The following BCL9L variants were observed in gnomAD, a reference collection of about 807,000 sequenced individuals.
BCL9L encodes BCL9 like, also known as B-cell CLL/lymphoma 9-like protein.
A neutral mutation model predicts 99.4 loss-of-function variants in BCL9L; 19 were observed. That is an observed-to-expected ratio of 0.19 (90% CI 0.13 to 0.28). The LOEUF is 0.28. Among genes scored for constraint, BCL9L ranks in the 10% least tolerant of loss-of-function variants. The pLI is 1.00. For missense variants in BCL9L, 2,023 were observed against 2,101.6 expected (o/e 0.96, Z 0.73); for synonymous variants, 900 against 854.8 (o/e 1.05, Z -0.92).
In BCL9L at chr11:118,897,891, G is replaced by C; in HGVS notation, c.*524C>G. 2.2e-6 allele frequency: 1 copy of C among 456,574 alleles called. No homozygotes were observed. The highest frequency in any genetic ancestry group is 4.4e-6 in the Non-Finnish European group (1 of 227,644). 28.3% of individuals were successfully genotyped at this position (456,574 alleles called of 1,614,324 possible). A position where few individuals can be genotyped will look rare whatever the true frequency, so the allele number is the denominator to read the frequency against. On this transcript the variant is annotated 3_prime_UTR_variant, in exon 10 of 10. Transcript: ENST00000683865. ...GCCAGCCGCCTGCAGGGAGGGGTGG[G>C]AGAGGGGTCAGCCACATCAGCAGGG...
chr11:118,918,047 G>A (rs1052570532), intron 2 of BCL9L, among the ~76,000 whole-genome samples: 1 of 152,194 alleles, frequency 6.6e-6, no homozygotes, highest in Non-Finnish European at 1.5e-5. Flanking sequence ...CACTTCCTTG[G>A]TGTCCCTTGG....
At chr11:118,904,268 C>T (rs1473013297) in intron 5 of BCL9L, among the ~76,000 whole-genome samples, 1 of 151,924 alleles carries the variant, frequency 6.6e-6, no homozygotes, top group African/African-American at 2.4e-5. Context: ...TGGTGAAACC[C>T]CGTCTCTACT....
rs1448909139 is a variant in BCL9L at position 118,922,496 on chromosome 11, C to T, written c.-131+2742G>A. On this transcript the variant is annotated intron_variant, in intron 1 of 9. Coordinates refer to ENST00000683865, the MANE Select transcript of BCL9L (RefSeq NM_001378213.1). The surrounding 1 kb of genome is among the most constrained non-coding windows in gnomAD (Gnocchi z 6.2). The stretch of plus-strand genomic sequence containing the variant: ...GGTGTGTTTGTGGGTGGGCAGCTGT[C>T]GGGGCTGGCAGGCAGGGGCACACAT... 5.9e-5 allele frequency among the ~76,000 whole-genome samples: 9 copies of T among 152,182 alleles called. No individual in the cohort carries two copies. The highest frequency in any genetic ancestry group is 1.3e-4 in the Non-Finnish European group (9 of 68,008).
Position 118,911,293 on chromosome 11 carries a change from G to A in BCL9L, c.-76-1278C>T, listed in dbSNP as rs780068066. On this transcript the variant is annotated intron_variant, in intron 2 of 9. Transcript: ENST00000683865. ...CCGGTGACAGGCCCGGCCAGACACC[G>A]GTGCACACTCCTGATGCTCCCTGCG... is the stretch of plus-strand genomic sequence containing the variant. 65 of 455,282 alleles carry A rather than the reference G, an allele frequency of 1.4e-4. No individual in the cohort carries two copies. In the Middle Eastern group the frequency reaches 2.5e-3, roughly 18 times the overall value. The allele number at this position is 455,282 out of a possible 1,614,324, so 28.2% of individuals were successfully genotyped here.
At chr11:118,907,936 G>A (rs1028459624) in intron 4 of BCL9L, among the ~76,000 whole-genome samples, 1 of 152,160 alleles carries the variant, frequency 6.6e-6, no homozygotes, top group Admixed American at 6.5e-5. Context: ...CCACCAGCCG[G>A]GATACGGAGG....
chr11:118,898,313 A>ACCCCCCCCCCCCCCCCCC lies in BCL9L; in HGVS notation c.*101_*102insGGGGGGGGGGGGGGGGGG. Reference sequence around the variant, plus strand: ...ACACAAGCCCCCTCCCACCCCCTCCACCCCACCCCGCGACCCAGGCCATCC... The same window carrying ACCCCCCCCCCCCCCCCCC: ...ACACAAGCCCCCTCCCACCCCCTCCACCCCCCCCCCCCCCCCCCCCCCACCCCGCGACCCAGGCCATCC... On this transcript the variant is annotated 3_prime_UTR_variant, in exon 10 of 10. Transcript: ENST00000683865. 1.8e-5 allele frequency: 5 copies of ACCCCCCCCCCCCCCCCCC among 273,720 alleles called. No individual in the cohort carries two copies. The highest frequency in any genetic ancestry group is 1.1e-4 in the East Asian group (1 of 8,788). 17.0% of individuals were successfully genotyped at this position (273,720 alleles called of 1,614,324 possible). A position where few individuals can be genotyped will look rare whatever the true frequency, so the allele number is the denominator to read the frequency against.
Position 118,897,413 on chromosome 11 carries a change from C to T in BCL9L, c.*1002G>A, listed in dbSNP as rs940345796. The T allele has an allele frequency of 8.1e-5, 16 of 198,402 alleles. No homozygotes were observed. The highest frequency in any genetic ancestry group is 2.2e-4 in the African/African-American group (9 of 41,806). 12.3% of individuals were successfully genotyped at this position (198,402 alleles called of 1,614,324 possible). ...CTAAGATGTAGCAGCAGCGGATGCC[C>T]GGGCATCCAAAGTGGAAAGCCAGGG... On this transcript the variant is annotated 3_prime_UTR_variant, in exon 10 of 10. Coordinates refer to ENST00000683865, the MANE Select transcript of BCL9L (RefSeq NM_001378213.1).
In BCL9L at chr11:118,922,240, T is replaced by C. The variant is rs879465328; in HGVS notation, c.-131+2998A>G. 1.3e-5 allele frequency among the ~76,000 whole-genome samples: 2 copies of C among 152,094 alleles called. No homozygotes were observed. The highest frequency in any genetic ancestry group is 2.9e-5 in the Non-Finnish European group (2 of 67,990). ...GGCAGAGGAAATTCCAGGCTGTAAG[T>C]CCAGGCAGCCTTCAGGGCCGCCGAG... On this transcript the variant is annotated intron_variant, in intron 1 of 9. Transcript: ENST00000683865. This position sits in a 1 kb window ranked among gnomAD's most constrained non-coding sequence, Gnocchi z 6.2.
rs757809212 is a variant in BCL9L, at chr11:118,902,813, TGGC to T, written c.927_929del (p.Pro312del). 3 of 1,543,922 alleles carry T rather than the reference TGGC, an allele frequency of 1.9e-6. No homozygotes were observed. The highest frequency in any genetic ancestry group is 2.3e-5 in the East Asian group (1 of 43,656). On this transcript the variant is annotated inframe_deletion, in exon 8 of 10. Coordinates refer to ENST00000683865, the MANE Select transcript of BCL9L (RefSeq NM_001378213.1). This position sits in a 1 kb window ranked among gnomAD's most constrained non-coding sequence, Gnocchi z 7.8. ...GCGGGGCACTGCCAGGGGCCGGGGG[TGGC>T]GGCGGCGGCAGTGGAGGTGGCTGGG...
Position 118,903,152 on chromosome 11 carries a change from C to T in BCL9L, c.750-78G>A, listed in dbSNP as rs1226680223. The T allele has an allele frequency of 3.2e-6, 5 of 1,551,604 alleles. No individual in the cohort carries two copies. In the African/African-American group the frequency reaches 5.4e-5, roughly 17 times the overall value. Reference sequence around the variant, plus strand: ...CACCCTCACCCACCCCACCCTGCCCCTGCACGGGGCTCCCTCGGAACCCCA... The same window carrying T: ...CACCCTCACCCACCCCACCCTGCCCTTGCACGGGGCTCCCTCGGAACCCCA... On this transcript the variant is annotated intron_variant, in intron 6 of 9. Transcript: ENST00000683865. The surrounding 1 kb of genome is among the most constrained non-coding windows in gnomAD (Gnocchi z 5.6).
rs1326173241 is a variant in BCL9L at position 118,903,077 on chromosome 11, G to A, written c.750-3C>T. On this transcript the variant is annotated splice_region_variant and splice_polypyrimidine_tract_variant and intron_variant, in intron 6 of 9. Transcript: ENST00000683865. The surrounding 1 kb of genome is among the most constrained non-coding windows in gnomAD (Gnocchi z 5.6). ...CCTGCAGCACTGCCTCTGCAGCCCT[G>A]CACAGAGTGGGGGCACCGACAGCTC... is the stretch of plus-strand genomic sequence containing the variant. 1 of 1,574,352 alleles carries A rather than the reference G, an allele frequency of 6.4e-7. No individual in the cohort carries two copies.
At position 118,903,359 on chromosome 11, in the gene BCL9L, G is replaced by C. The variant is rs770108580; in HGVS notation, c.626C>G (p.Ala209Gly). ...LPLSESSVPG[A>G]PHGPPPGLRP... ...AAGGCCAGGAGGAGGGCCGTGCGGGGCGCCTGGCACGCTGCTCTCGCTGAG... is the reference window on the plus strand; with the variant it reads ...AAGGCCAGGAGGAGGGCCGTGCGGGCCGCCTGGCACGCTGCTCTCGCTGAG... The change falls in exon 6 of 10, where the codon GCC (alanine) becomes GGC (glycine). Residue 209 changes from alanine (A) to glycine (G), a missense_variant. This residue lies in a region of BCL9L where 1,116 missense variants were observed against 1,194.6 expected (regional missense o/e 0.93). Coordinates refer to ENST00000683865, the MANE Select transcript of BCL9L (RefSeq NM_001378213.1). This position sits in a 1 kb window ranked among gnomAD's most constrained non-coding sequence, Gnocchi z 5.6. The C allele has an allele frequency of 6.2e-7, 1 of 1,605,240 alleles. No individual in the cohort carries two copies. The highest frequency in any genetic ancestry group is 8.5e-7 in the Non-Finnish European group (1 of 1,176,352).
At chr11:118,905,662 C>T (rs1591986265) in intron 5 of BCL9L, among the ~76,000 whole-genome samples, 2 of 151,058 alleles carry the variant, frequency 1.3e-5, no homozygotes, top group African/African-American at 4.9e-5. Flanking sequence ...GCTAAAAATA[C>T]AAAAATTAGC....
chr11:118,914,896 AG>A lies in BCL9L; in HGVS notation c.-77+3929del, dbSNP rs1324155171. On this transcript the variant is annotated intron_variant, in intron 2 of 9. Coordinates refer to ENST00000683865, the MANE Select transcript of BCL9L (RefSeq NM_001378213.1). The surrounding 1 kb of genome is among the most constrained non-coding windows in gnomAD (Gnocchi z 4.4). ...CACACGCCTGTAATCCCAGCACTTT[AG>A]GAGGTCAAGGCAGGTGGATCACGAG... Among the ~76,000 whole-genome samples the A allele has an allele frequency of 2.0e-5, 3 of 152,120 alleles. No homozygotes were observed. Among genetic ancestry groups the A allele is most frequent in the Non-Finnish European group, 2.9e-5 (2 of 67,992 alleles).
At position 118,898,444 on chromosome 11, in the gene BCL9L, G is replaced by A; in HGVS notation, c.4471C>T (p.Pro1491Ser). 1 of 1,606,588 alleles carries A rather than the reference G, an allele frequency of 6.2e-7. No individual in the cohort carries two copies. The highest frequency in any genetic ancestry group is 8.5e-7 in the Non-Finnish European group (1 of 1,174,766). ...LDSQMGYLPA[P>S]GGMANLPF Reference sequence around the variant, plus strand: ...AAGGGCAGGTTGGCCATGCCGCCTGGTGCCGGGAGGTAGCCCATCTGGCTG... The same window carrying A: ...AAGGGCAGGTTGGCCATGCCGCCTGATGCCGGGAGGTAGCCCATCTGGCTG... Residue 1491 changes from proline to serine, a missense_variant, in exon 10 of 10, where the codon CCA (proline) becomes TCA (serine). Physicochemically the swap from Pro to Ser is moderately conservative, Grantham distance 74. Coordinates refer to ENST00000683865, the MANE Select transcript of BCL9L (RefSeq NM_001378213.1).
Position 118,898,294 on chromosome 11 carries a change from G to GCCCCCACCCCCCCCCCCCC in BCL9L, c.*120_*121insGGGGGGGGGGGGGTGGGGG. The GCCCCCACCCCCCCCCCCCC allele has an allele frequency of 2.2e-6, 1 of 452,312 alleles. No individual in the cohort carries two copies. The highest frequency in any genetic ancestry group is 4.1e-6 in the Non-Finnish European group (1 of 244,762). 28.0% of individuals were successfully genotyped at this position (452,312 alleles called of 1,614,324 possible). ...TCCACAAATGCCACTCCCTACACAA[G>GCCCCCACCCCCCCCCCCCC]CCCCCTCCCACCCCCTCCACCCCAC... On this transcript the variant is annotated 3_prime_UTR_variant, in exon 10 of 10. Transcript: ENST00000683865.
rs374720039 is a variant in BCL9L, at chr11:118,899,945, G to C, written c.3378C>G (p.Pro1126=). The change falls in exon 9 of 10, where the codon CCC becomes CCG. Residue 1126 remains proline, a synonymous_variant. Coordinates refer to ENST00000683865, the MANE Select transcript of BCL9L (RefSeq NM_001378213.1). ...GCCCGGAGCCCTGCGGTGGTGGTGG[G>C]GGGGGCAGCAGGGGCCGGTCGGGCA... The part of the protein sequence containing the change: ...ELLPDRPLLP[P]PPPPQGSGPG... 39 of 1,613,426 alleles carry C rather than the reference G, an allele frequency of 2.4e-5. No homozygotes were observed. In the Admixed American group the frequency reaches 4.5e-4, roughly 19 times the overall value.
At chr11:118,905,310 A>G (rs994239475) in intron 5 of BCL9L, among the ~76,000 whole-genome samples, 2 of 152,104 alleles carry the variant, frequency 1.3e-5, no homozygotes, top group Admixed American at 1.3e-4. Context: ...GGAGTTCAAG[A>G]CCAGCCTGGC....
chr11:118,919,831 T>TGCC lies in BCL9L; in HGVS notation c.-130-955_-130-953dup, dbSNP rs1941092342. Reference sequence around the variant, plus strand: ...GGCCCCGTCTGGCACTGCCCTGCCCTGCCGCCACCTAGGTGACTTTTCTGA... The same window carrying TGCC: ...GGCCCCGTCTGGCACTGCCCTGCCCTGCCGCCGCCACCTAGGTGACTTTTCTGA... On this transcript the variant is annotated intron_variant, in intron 1 of 9. Coordinates refer to ENST00000683865, the MANE Select transcript of BCL9L (RefSeq NM_001378213.1). Among the ~76,000 whole-genome samples, 3 of 152,316 alleles carry TGCC rather than the reference T, an allele frequency of 2.0e-5. No homozygotes were observed. The South Asian group carries it at 6.2e-4, about 32-fold the overall frequency.
Sources: allele counts gnomAD v4.1 joint callset (sites outside exome capture counted in the v4.1 genomes callset), GRCh38; gene constraint gnomAD v4.1.1; regional missense constraint gnomAD v4.1.1; non-coding constraint Gnocchi (gnomAD v3.1); transcripts MANE v1.5; gene names NCBI Gene and HGNC (gene_info 2026-07-23, HGNC 2026-07-21).